The following DHRSX variants were observed in gnomAD, a reference collection of about 807,000 sequenced individuals.
The protein encoded by DHRSX is dehydrogenase/reductase X-linked, also known as polyprenol dehydrogenase.
DHRSX carries 31 observed loss-of-function variants against 34.0 expected under a neutral mutation model. The ratio of observed to expected loss-of-function variants is 0.91; its 90% CI spans 0.69 to 1.23. The LOEUF (loss-of-function observed/expected upper bound fraction) is 1.23. Among genes scored for constraint, DHRSX ranks in the 50% most tolerant of loss-of-function variants. The pLI, the probability that DHRSX is intolerant of heterozygous loss-of-function variation, is 0.00. For synonymous variants in DHRSX, 201 were observed against 183.8 expected (o/e 1.09, Z -0.76); for missense variants, 414 against 428.1 (o/e 0.97, Z 0.29).
intron 5 of DHRSX, among the ~76,000 whole-genome samples, chrX:2,244,249 C>G (rs761233894): frequency 6.6e-6 from 1 of 152,106 alleles, no homozygotes; most frequent in Admixed American, 6.6e-5. Flanking sequence ...TTTAGTATCA[C>G]AGGACATAGT....
At position 2,291,555 on chromosome X, in the gene DHRSX, A is replaced by G. The variant is rs761483411; in HGVS notation, c.335T>C (p.Phe112Ser). The G allele has an allele frequency of 3.1e-6, 5 of 1,613,830 alleles. No individual in the cohort carries two copies. In the Admixed American group the frequency reaches 8.3e-5, roughly 27 times the overall value. The change falls in exon 4 of 7, where the codon TTT (phenylalanine) becomes TCT (serine). Residue 112 changes from phenylalanine to serine, a missense_variant. Transcript: ENST00000334651. ...CTTCTTCATCTTGAACTTCTGCACA[A>G]ACTGCCGGATGGAAGTCATGGAAGC... ...DLASMTSIRQ[F>S]VQKFKMKKIP...
intron 6 of DHRSX, among the ~76,000 whole-genome samples, chrX:2,224,436 A>C (rs979508428): frequency 1.3e-5 from 2 of 151,832 alleles, no homozygotes; most frequent in African/African-American, 4.9e-5. Context: ...CAATTGCGAC[A>C]CAAGTACTAC....
Position 2,403,328 on chromosome X carries a change from C to G in DHRSX, c.286+5417G>C, listed in dbSNP as rs770780137. 3.3e-5 allele frequency among the ~76,000 whole-genome samples: 5 copies of G among 152,328 alleles called. No individual in the cohort carries two copies. In the South Asian group the frequency reaches 1.0e-3, roughly 32 times the overall value. On this transcript the variant is annotated intron_variant, in intron 3 of 6. Transcript: ENST00000334651. ...CCACGGCACACCCCATCTTCCCACCCTCTTACAAGATGGTAAAGCTTTTAA... is the reference window on the plus strand; with the variant it reads ...CCACGGCACACCCCATCTTCCCACCGTCTTACAAGATGGTAAAGCTTTTAA...
intron 3 of DHRSX, among the ~76,000 whole-genome samples, chrX:2,386,206 G>C (rs2043270558): frequency 7.1e-6 from 1 of 140,048 alleles, no homozygotes; most frequent in Non-Finnish European, 1.6e-5. Context: ...TTTTGTGTGT[G>C]AGAGAGAGAG....
intron 1 of DHRSX, among the ~76,000 whole-genome samples, chrX:2,481,472 C>T (rs1453769102): frequency 6.6e-6 from 1 of 151,988 alleles, no homozygotes; most frequent in Non-Finnish European, 1.5e-5. Flanking sequence ...TCCAGACCAG[C>T]TTTACCAATG....
intron 1 of DHRSX, among the ~76,000 whole-genome samples, chrX:2,480,911 A>G (rs1412597837): frequency 6.6e-6 from 1 of 152,234 alleles, no homozygotes; most frequent in Non-Finnish European, 1.5e-5. Context: ...ATCATTAATA[A>G]TAATACATTG....
chrX:2,272,280 C>G (rs530817610), intron 4 of DHRSX, among the ~76,000 whole-genome samples: 5 of 152,246 alleles, frequency 3.3e-5, no homozygotes, highest in African/African-American at 7.2e-5. Context: ...AATCTGGAGA[C>G]ACACAGCTCA....
At chrX:2,413,841 T>C (rs2043661136) in intron 2 of DHRSX, among the ~76,000 whole-genome samples, 1 of 152,074 alleles carries the variant, frequency 6.6e-6, no homozygotes, top group South Asian at 2.1e-4. Flanking sequence ...ATAGATCTGA[T>C]TATACCCTAA....
chrX:2,358,903 C>T lies in DHRSX; in HGVS notation c.286+49842G>A, dbSNP rs1170991020. 4.0e-5 allele frequency among the ~76,000 whole-genome samples: 6 copies of T among 150,354 alleles called. No individual in the cohort carries two copies. The East Asian group carries it at 5.9e-4, about 15-fold the overall frequency. Reference sequence around the variant, plus strand: ...AGCAGAGGTTGCAGTGAGCCGAGATCGCGCCACCGCACTCCAGCCTGGGCG... The same window carrying T: ...AGCAGAGGTTGCAGTGAGCCGAGATTGCGCCACCGCACTCCAGCCTGGGCG... On this transcript the variant is annotated intron_variant, in intron 3 of 6. Coordinates refer to ENST00000334651, the MANE Select transcript of DHRSX (RefSeq NM_145177.3).
At chrX:2,426,190 A>G (rs758817663) in intron 1 of DHRSX, among the ~76,000 whole-genome samples, 2 of 152,304 alleles carry the variant, frequency 1.3e-5, no homozygotes, top group East Asian at 1.9e-4. Flanking sequence ...ATCAGAACAC[A>G]GAAAATAAAA....
chrX:2,276,127 C>T (rs184483064), intron 4 of DHRSX, among the ~76,000 whole-genome samples: 1 of 152,310 alleles, frequency 6.6e-6, no homozygotes, highest in Admixed American at 6.5e-5. Flanking sequence ...CAGGCGTGGG[C>T]CATCGCGCCC....
chrX:2,431,015 A>G (rs759806080), intron 1 of DHRSX, among the ~76,000 whole-genome samples: 1 of 148,766 alleles, frequency 6.7e-6, no homozygotes, highest in African/African-American at 2.5e-5. Flanking sequence ...ACAGAGCAAG[A>G]CTGTCTCAAA....
chrX:2,231,082 G>T (rs1031631915), intron 6 of DHRSX, among the ~76,000 whole-genome samples: 10 of 152,066 alleles, frequency 6.6e-5, no homozygotes, highest in Non-Finnish European at 1.3e-4. Context: ...ACTGCTGGCT[G>T]GCTTTTAAGG....
intron 3 of DHRSX, among the ~76,000 whole-genome samples, chrX:2,340,744 C>G (rs1325055478): frequency 6.6e-6 from 1 of 152,030 alleles, no homozygotes; most frequent in Non-Finnish European, 1.5e-5. Context: ...TTCGTGTCTA[C>G]TAGGCTTGGG....
intron 5 of DHRSX, among the ~76,000 whole-genome samples, chrX:2,252,465 C>T (rs2016455616): frequency 6.6e-6 from 1 of 152,138 alleles, no homozygotes; most frequent in Non-Finnish European, 1.5e-5. Context: ...ACTGGCTTTC[C>T]TGCTGGCATG....
intron 4 of DHRSX, among the ~76,000 whole-genome samples, chrX:2,282,638 G>C (rs2041726264): frequency 1.4e-5 from 1 of 69,642 alleles, no homozygotes; most frequent in African/African-American, 4.7e-5. Context: ...AGAAGGGAAA[G>C]GGAGGGAGAG....
At position 2,489,829 on chromosome X, in the gene DHRSX, G is replaced by A. The variant is rs374463020; in HGVS notation, c.109+10988C>T. On this transcript the variant is annotated intron_variant, in intron 1 of 6. Coordinates refer to ENST00000334651, the MANE Select transcript of DHRSX (RefSeq NM_145177.3). The stretch of plus-strand genomic sequence containing the variant: ...GGAGCTGGAAGGCCTGCTGGATGCC[G>A]GCATTGAAGGTGTGGCCCAGGCAGG... The A allele has an allele frequency of 1.3e-5, 21 of 1,613,522 alleles. No homozygotes were observed. The South Asian group carries it at 1.5e-4, about 12-fold the overall frequency.
intron 1 of DHRSX, among the ~76,000 whole-genome samples, chrX:2,499,715 T>C (rs982074673): frequency 6.6e-6 from 1 of 152,130 alleles, no homozygotes; most frequent in Non-Finnish European, 1.5e-5. Context: ...CAGACCAGCC[T>C]GGGCAACGTA....
At chrX:2,371,352 T>A (rs58504070) in intron 3 of DHRSX, among the ~76,000 whole-genome samples, 3 of 125,008 alleles carry the variant, frequency 2.4e-5, no homozygotes, top group African/African-American at 1.0e-4. Context: ...GTTACCATAG[T>A]CCCTCCTCCC....
Sources: allele counts gnomAD v4.1 joint callset (sites outside exome capture counted in the v4.1 genomes callset), GRCh38; gene constraint gnomAD v4.1.1; transcripts MANE v1.5; gene names NCBI Gene and HGNC (gene_info 2026-07-23, HGNC 2026-07-21).